Variants in CDH17 observed in about 807,000 individuals in gnomAD.
CDH17 encodes the protein cadherin-17.
CDH17 carries 67 observed loss-of-function variants against 86.3 expected under a neutral mutation model. That is an observed-to-expected ratio of 0.78 (90% CI 0.64 to 0.95). The LOEUF (loss-of-function observed/expected upper bound fraction) is 0.95, where lower values mean the gene tolerates loss of function less well. Among genes scored for constraint, CDH17 ranks in the 40% least tolerant of loss-of-function variants. CDH17 has a pLI of 0.00. For synonymous variants in CDH17, 367 were observed against 366.4 expected, an observed-to-expected ratio of 1.00 and a Z score of -0.02; for missense variants, 993 against 1,017.6, an observed-to-expected ratio of 0.98 and a Z score of 0.33.
intron 1 of CDH17, among the ~76,000 whole-genome samples, chr8:94,214,038 T>C (rs1296863393): frequency 6.6e-6 from 1 of 152,138 alleles, no homozygotes; most frequent in African/African-American, 2.4e-5. Context: ...TGGTCAAAGC[T>C]CTGGTTTTCT....
intron 1 of CDH17, among the ~76,000 whole-genome samples, chr8:94,200,756 G>A (rs59960318): frequency 6.6e-6 from 1 of 151,450 alleles, no homozygotes; most frequent in Non-Finnish European, 1.5e-5. Flanking sequence ...CACAACAGAA[G>A]ACATGGGAAT....
At chr8:94,131,073 C>A in intron 15 of CDH17, 81 bp from the exon 16 acceptor site, 2 of 752,530 alleles carry the variant, frequency 2.7e-6, no homozygotes, top group Admixed American at 2.0e-5. Context: ...GTATCACATA[C>A]TAAGGTTGAC....
At chr8:94,184,203 CTGAG>C (rs1340166173) in intron 3 of CDH17, among the ~76,000 whole-genome samples, 6 of 141,994 alleles carry the variant, frequency 4.2e-5, no homozygotes. Flanking sequence ...AGTCCTGCTA[CTGAG>C]TGTGTGTGTG....
chr8:94,199,308 A>G (rs1813860407), intron 1 of CDH17, among the ~76,000 whole-genome samples: 1 of 152,036 alleles, frequency 6.6e-6, no homozygotes, highest in Non-Finnish European at 1.5e-5. Context: ...AACATGATAT[A>G]TTAAAGGAAA....
chr8:94,158,546 C>T (rs1292134676), intron 12 of CDH17, among the ~76,000 whole-genome samples: 1 of 152,174 alleles, frequency 6.6e-6, no homozygotes, highest in Non-Finnish European at 1.5e-5. Context: ...AAGGAAGCTG[C>T]CCCCGTCACC....
At position 94,152,671 on chromosome 8, in the gene CDH17, T is replaced by C. The variant is rs146192402; in HGVS notation, c.1552-559A>G. ...CCTTGGCCTCCCAAAGGGCTGGGAT[T>C]ACAGGTATGAGCCACCATGCCTGGC... On this transcript the variant is annotated intron_variant, in intron 12 of 17. Coordinates refer to ENST00000027335, the MANE Select transcript of CDH17 (RefSeq NM_004063.4). 1.1e-4 allele frequency among the ~76,000 whole-genome samples: 16 copies of C among 152,290 alleles called. No individual in the cohort carries two copies. The East Asian group carries it at 3.1e-3, about 29-fold the overall frequency.
chr8:94,199,715 G>GT (rs1813867426), intron 1 of CDH17, among the ~76,000 whole-genome samples: 1 of 152,190 alleles, frequency 6.6e-6, no homozygotes, highest in Admixed American at 6.5e-5. Context: ...GCCACACGTA[G>GT]GGTGCCATGA....
intron 8 of CDH17, 50 bp downstream of exon 8, chr8:94,170,804 G>T: frequency 6.4e-7 from 1 of 1,573,108 alleles, no homozygotes. Flanking sequence ...AACTGTAGAT[G>T]GGCATAGGAC....
chr8:94,133,470 G>A (rs546417390), intron 15 of CDH17, among the ~76,000 whole-genome samples: 5 of 152,012 alleles, frequency 3.3e-5, no homozygotes, highest in African/African-American at 4.8e-5. Flanking sequence ...CTTTGTTTTG[G>A]TGTATAGGAA....
chr8:94,139,972 A>G (rs928083123), intron 15 of CDH17, among the ~76,000 whole-genome samples: 1 of 152,190 alleles, frequency 6.6e-6, no homozygotes, highest in Non-Finnish European at 1.5e-5. Context: ...TAAATTTAAA[A>G]GTATTCTAGT....
chr8:94,194,980 C>G (rs1364440946), intron 1 of CDH17, among the ~76,000 whole-genome samples: 1 of 152,182 alleles, frequency 6.6e-6, no homozygotes, highest in Non-Finnish European at 1.5e-5. Context: ...ATTTCAGCGT[C>G]TTAAATGATG....
chr8:94,138,255 A>G (rs952367162), intron 15 of CDH17, among the ~76,000 whole-genome samples: 1 of 152,212 alleles, frequency 6.6e-6, no homozygotes, highest in Non-Finnish European at 1.5e-5. Flanking sequence ...TAGATAAGAT[A>G]TAGTAACAGG....
intron 10 of CDH17, among the ~76,000 whole-genome samples, chr8:94,165,353 G>C (rs1256626969): frequency 6.6e-6 from 1 of 152,164 alleles, no homozygotes; most frequent in Non-Finnish European, 1.5e-5. Context: ...GCTTTCCTCA[G>C]ACTGTCCTAG....
chr8:94,148,769 C>A lies in CDH17; in HGVS notation c.1902G>T (p.Arg634=). ...PLDREAGSPY[R]VQVVATEVGG... is the part of the protein sequence containing the mutation. Reference sequence around the variant, plus strand: ...CTACTTCTGTGGCCACCACTTGTACCCGATATGGACTTCCGGCTTCTCTGT... The same window carrying A: ...CTACTTCTGTGGCCACCACTTGTACACGATATGGACTTCCGGCTTCTCTGT... The change falls in exon 14 of 18, where the codon CGG becomes CGT. Residue 634 remains arginine (R), a synonymous_variant. Transcript: ENST00000027335. 1.3e-6 allele frequency: 2 copies of A among 1,579,100 alleles called. No individual in the cohort carries two copies. Among genetic ancestry groups the A allele is most frequent in the Non-Finnish European group, 1.7e-6 (2 of 1,164,802 alleles).
At chr8:94,148,541 C>CAG (rs1812791156) in intron 14 of CDH17, among the ~76,000 whole-genome samples, 1 of 29,200 alleles carries the variant, frequency 3.4e-5, no homozygotes, top group Non-Finnish European at 6.8e-5. Context: ...GACTCCATCT[C>CAG]AAAAAAAAAA....
At chr8:94,184,415 C>T (rs1813538695) in intron 3 of CDH17, among the ~76,000 whole-genome samples, 1 of 152,116 alleles carries the variant, frequency 6.6e-6, no homozygotes, top group African/African-American at 2.4e-5. Flanking sequence ...AGTTCTGGTA[C>T]ATGTTACCAA....
chr8:94,131,624 C>A (rs898160757), intron 15 of CDH17, among the ~76,000 whole-genome samples: 9 of 138,874 alleles, frequency 6.5e-5, no homozygotes, highest in African/African-American at 2.5e-4. Context: ...CACTTCAGCA[C>A]TATAGTTCAA....
chr8:94,178,628 T>C (rs1813419083), intron 3 of CDH17, among the ~76,000 whole-genome samples: 1 of 152,080 alleles, frequency 6.6e-6, no homozygotes, highest in African/African-American at 2.4e-5. Flanking sequence ...ATATTAATCA[T>C]TAAAATGTTC....
intron 3 of CDH17, among the ~76,000 whole-genome samples, chr8:94,180,921 GCAAA>G (rs1300132506): frequency 1.1e-5 from 1 of 95,104 alleles, no homozygotes; most frequent in Non-Finnish European, 2.2e-5. Flanking sequence ...ACAAAAACAA[GCAAA>G]CAAACAAACA....
Sources: allele counts gnomAD v4.1 joint callset (sites outside exome capture counted in the v4.1 genomes callset), GRCh38; gene constraint gnomAD v4.1.1; transcripts MANE v1.5; gene names NCBI Gene and HGNC (gene_info 2026-07-23, HGNC 2026-07-21).